Variants in DACH2 observed in about 807,000 individuals in gnomAD.
DACH2 encodes the protein dachshund family transcription factor 2, also known as dachshund homolog 2.
A neutral mutation model predicts 35.8 loss-of-function variants in DACH2; 17 were observed. The observed-to-expected ratio is 0.48, with a 90% confidence interval of 0.33 to 0.71. DACH2 has a LOEUF of 0.71. DACH2 is among the 30% of genes least tolerant of loss of function. The probability of loss-of-function intolerance (pLI) is 0.02; values close to 1 mark genes in which losing one functional copy is unlikely to be tolerated. For synonymous variants in DACH2, 195 were observed against 177.3 expected (o/e 1.10, Z -0.79); for missense variants, 469 against 472.7 (o/e 0.99, Z 0.07).
intron 1 of DACH2, among the ~76,000 whole-genome samples, chrX:86,211,305 C>A (rs1216643291): frequency 9.0e-6 from 1 of 111,497 alleles, no homozygotes; most frequent in Non-Finnish European, 1.9e-5. Flanking sequence ...CTGCTGATTT[C>A]TACTCTTAAG....
intron 7 of DACH2, among the ~76,000 whole-genome samples, chrX:86,742,221 G>A (rs1031974459): frequency 1.8e-5 from 2 of 110,325 alleles, no homozygotes; most frequent in Non-Finnish European, 3.8e-5. Context: ...TAACTCTACA[G>A]TTACCATATT....
intron 2 of DACH2, among the ~76,000 whole-genome samples, chrX:86,500,986 T>C (rs781457318): frequency 1.8e-5 from 2 of 111,971 alleles, no homozygotes; most frequent in South Asian, 3.7e-4. Context: ...GACAGATCTA[T>C]GACACCATCA....
At chrX:86,283,074 G>A (rs1324587551) in intron 1 of DACH2, among the ~76,000 whole-genome samples, 1 of 69,549 alleles carries the variant, frequency 1.4e-5, no homozygotes, top group African/African-American at 6.9e-5. Context: ...CACCGCGCCC[G>A]GCCCGACACT....
intron 1 of DACH2, among the ~76,000 whole-genome samples, chrX:86,255,468 G>A (rs893112960): frequency 6.3e-5 from 7 of 111,798 alleles, no homozygotes; most frequent in Non-Finnish European, 1.1e-4. Context: ...AGAAGGTGCA[G>A]TGTGTAGTAA....
intron 1 of DACH2, among the ~76,000 whole-genome samples, chrX:86,242,490 G>A (rs1350229060): frequency 1.8e-5 from 2 of 112,090 alleles, no homozygotes; most frequent in Non-Finnish European, 3.8e-5. Flanking sequence ...AATTGTTTTG[G>A]TTTTACTGGT....
At chrX:86,456,021 G>A (rs1299324123) in intron 2 of DACH2, among the ~76,000 whole-genome samples, 4 of 112,338 alleles carry the variant, frequency 3.6e-5, no homozygotes, top group African/African-American at 1.3e-4. Flanking sequence ...ATCCTTGGGA[G>A]AAGCATGGTT....
rs1217678270 is a variant in DACH2, at chrX:86,592,137, T to C, written c.641-58899T>C. Among the ~76,000 whole-genome samples, 3 of 111,845 alleles carry C rather than the reference T, an allele frequency of 2.7e-5. No homozygotes were observed. In the Admixed American group the frequency reaches 2.8e-4, roughly 11 times the overall value. On this transcript the variant is annotated intron_variant, in intron 3 of 11. Coordinates refer to ENST00000373125, the MANE Select transcript of DACH2 (RefSeq NM_053281.3). The stretch of plus-strand genomic sequence containing the variant: ...TTAGATTTTTTCCTATGTTATTTTC[T>C]AGGAGTTTTATAATTTTGTGTTTTA...
intron 7 of DACH2, among the ~76,000 whole-genome samples, chrX:86,807,470 G>C (rs144334892): frequency 9.0e-6 from 1 of 111,559 alleles, no homozygotes; most frequent in Non-Finnish European, 1.9e-5. Context: ...ATAGAGCAGG[G>C]ATTCAAACCC....
At chrX:86,742,688 A>G (rs1326132248) in intron 7 of DACH2, 2 of 303,391 alleles carry the variant, frequency 6.6e-6, no homozygotes, top group African/African-American at 5.5e-5. Flanking sequence ...GATCAAGATA[A>G]TGGACTAACC....
intron 2 of DACH2, among the ~76,000 whole-genome samples, chrX:86,428,585 T>C (rs747600873): frequency 8.4e-4 from 94 of 112,175 alleles, no homozygotes; most frequent in South Asian, 4.4e-3. Context: ...TTATTAGAAC[T>C]GAAAAACATT....
At chrX:86,739,239 A>G (rs1263070540) in intron 6 of DACH2, among the ~76,000 whole-genome samples, 1 of 111,827 alleles carries the variant, frequency 8.9e-6, no homozygotes, top group Non-Finnish European at 1.9e-5. Flanking sequence ...ATAGGTATCT[A>G]ATATACAAGT....
intron 4 of DACH2, among the ~76,000 whole-genome samples, chrX:86,667,501 G>GAAAGA (rs1192178373): frequency 6.2e-5 from 2 of 32,051 alleles, no homozygotes; most frequent in East Asian, 2.1e-3. Context: ...GAAAGAAAGA[G>GAAAGA]AAAGAAAGAA....
intron 2 of DACH2, among the ~76,000 whole-genome samples, chrX:86,416,055 A>C (rs1257749829): frequency 8.9e-6 from 1 of 112,163 alleles, no homozygotes; most frequent in Non-Finnish European, 1.9e-5. Context: ...GAGGTAGGGG[A>C]CCAAAATGAG....
intron 2 of DACH2, among the ~76,000 whole-genome samples, chrX:86,440,394 A>C (rs1327374598): frequency 9.0e-6 from 1 of 111,511 alleles, no homozygotes; most frequent in African/African-American, 3.3e-5. Context: ...ATTTCCTTAC[A>C]CTGAAGTCTC....
chrX:86,475,028 C>T (rs1347198154), intron 2 of DACH2, among the ~76,000 whole-genome samples: 1 of 111,783 alleles, frequency 8.9e-6, no homozygotes, highest in Non-Finnish European at 1.9e-5. Flanking sequence ...AGCCACTGCT[C>T]CTGGCCTATG....
chrX:86,798,201 A>T (rs759310707), intron 7 of DACH2, among the ~76,000 whole-genome samples: 118 of 112,227 alleles, frequency 1.1e-3, no homozygotes, highest in African/African-American at 3.7e-3. Flanking sequence ...TCAAACTCCA[A>T]ATGAATCATT....
intron 2 of DACH2, among the ~76,000 whole-genome samples, chrX:86,426,282 T>G (rs2036892515): frequency 9.0e-6 from 1 of 111,256 alleles, no homozygotes; most frequent in African/African-American, 3.3e-5. Flanking sequence ...ATCAAATCTT[T>G]TCCCCACTCC....
At chrX:86,156,576 G>T (rs1365173852) in intron 1 of DACH2, among the ~76,000 whole-genome samples, 1 of 111,461 alleles carries the variant, frequency 9.0e-6, no homozygotes, top group Non-Finnish European at 1.9e-5. Flanking sequence ...TATTTGAAAT[G>T]AAGTATATCT....
intron 1 of DACH2, chrX:86,345,496 A>G (rs2035481174): frequency 4.2e-6 from 1 of 239,072 alleles, no homozygotes. Context: ...AGTTATGAGG[A>G]AGGAATAAAG....
Sources: gnomAD v4.1 joint callset for allele counts (sites outside exome capture counted in the v4.1 genomes callset) on GRCh38, gnomAD v4.1.1 for gene constraint, MANE v1.5 for transcripts, NCBI Gene and HGNC (gene_info 2026-07-23, HGNC 2026-07-21) for gene names.